The following PCCB variants were observed in gnomAD, a reference collection of about 807,000 sequenced individuals.
The protein encoded by PCCB is propionyl-CoA carboxylase subunit beta, also known as propionyl-CoA carboxylase beta chain, mitochondrial.
PCCB carries 43 observed loss-of-function variants against 60.7 expected under a neutral mutation model. The ratio of observed to expected loss-of-function variants is 0.71; its 90% CI spans 0.55 to 0.91. PCCB has a LOEUF of 0.91. Among genes scored for constraint, PCCB ranks in the 40% least tolerant of loss-of-function variants. The probability of loss-of-function intolerance (pLI) is 0.00; values close to 1 mark genes in which losing one functional copy is unlikely to be tolerated. For synonymous variants in PCCB, 276 were observed against 255.9 expected (o/e 1.08, Z -0.75); for missense variants, 766 against 702.8 (o/e 1.09, Z -1.02).
chr3:136,293,833 C>G lies in PCCB; in HGVS notation c.732C>G (p.Leu244=). The G allele has an allele frequency of 6.2e-7, 1 of 1,611,288 alleles. No individual in the cohort carries two copies. Among genetic ancestry groups the G allele is most frequent in the Non-Finnish European group, 8.5e-7 (1 of 1,177,526 alleles). The change falls in exon 7 of 15, where the codon CTC becomes CTG. Residue 244 remains leucine (L), a synonymous_variant. Transcript: ENST00000251654. ...ATGAGGATGTTACCCAGGAGGAGCT[C>G]GGTGGTGCCAAGACCCACACCACCA... ...VTNEDVTQEE[L]GGAKTHTTMS...
chr3:136,328,793 T>C lies in PCCB; in HGVS notation c.1434T>C (p.Asn478=). 5 of 1,614,154 alleles carry C rather than the reference T, an allele frequency of 3.1e-6. No individual in the cohort carries two copies. The highest frequency in any genetic ancestry group is 4.2e-6 in the Non-Finnish European group (5 of 1,179,980). ...AGATCATCTTCAAAGGGCATGAGAA[T>C]GTGGAAGCTGCTCAGGCAGAGTACA... ...AVEIIFKGHE[N]VEAAQAEYIE... The change falls in exon 14 of 15, where the codon AAT becomes AAC. Residue 478 remains asparagine, a synonymous_variant. Transcript: ENST00000251654.
intron 6 of PCCB, among the ~76,000 whole-genome samples, chr3:136,287,023 T>A (rs1275732825): frequency 6.7e-6 from 1 of 148,742 alleles, no homozygotes; most frequent in Non-Finnish European, 1.5e-5. Context: ...AGAGCAAGAC[T>A]CTGTCTCGGA....
At chr3:136,258,980 C>T (rs931276814) in intron 3 of PCCB, among the ~76,000 whole-genome samples, 1 of 151,926 alleles carries the variant, frequency 6.6e-6, no homozygotes, top group Non-Finnish European at 1.5e-5. Flanking sequence ...TTGTTTAATC[C>T]TTCCTATGCT....
At chr3:136,321,602 G>A (rs890974280) in intron 10 of PCCB, among the ~76,000 whole-genome samples, 12 of 152,248 alleles carry the variant, frequency 7.9e-5, no homozygotes, top group East Asian at 5.8e-4. Context: ...CGAGAACAGC[G>A]TGAGGAAAAC....
chr3:136,259,555 T>C (rs1195553843), intron 3 of PCCB, among the ~76,000 whole-genome samples: 3 of 152,242 alleles, frequency 2.0e-5, no homozygotes, highest in South Asian at 2.1e-4. Flanking sequence ...TTAGAGTTAA[T>C]TCTGTGTGAT....
intron 5 of PCCB, among the ~76,000 whole-genome samples, chr3:136,270,652 C>T (rs1356321257): frequency 6.6e-6 from 1 of 152,128 alleles, no homozygotes; most frequent in Non-Finnish European, 1.5e-5. Flanking sequence ...ACTACAGGCA[C>T]ACGCCACTAC....
rs1417271195 is a variant in PCCB, at chr3:136,323,180, ATC to A, written c.1091-3620_1091-3619del. On this transcript the variant is annotated intron_variant, in intron 10 of 14. Coordinates refer to ENST00000251654, the MANE Select transcript of PCCB (RefSeq NM_000532.5). The stretch of plus-strand genomic sequence containing the variant: ...TTTTCGGACATTATTTCATCAGATT[ATC>A]TCCTTGCCACTTTCTCTTAGTCTTC... Among the ~76,000 whole-genome samples the A allele has an allele frequency of 2.0e-5, 3 of 152,216 alleles. No homozygotes were observed. In the East Asian group the frequency reaches 5.8e-4, roughly 29 times the overall value.
At chr3:136,284,973 A>G (rs1304125945) in intron 6 of PCCB, among the ~76,000 whole-genome samples, 2 of 151,786 alleles carry the variant, frequency 1.3e-5, no homozygotes, top group Non-Finnish European at 2.9e-5. Flanking sequence ...CTGTGGTCCC[A>G]GCTACTTGGG....
rs1018762066 is a variant in PCCB at position 136,303,027 on chromosome 3, T to G, written c.966+1916T>G. On this transcript the variant is annotated intron_variant, in intron 9 of 14. Coordinates refer to ENST00000251654, the MANE Select transcript of PCCB (RefSeq NM_000532.5). ...TGAACCCAGGTGTTTGAGGCTGTTC[T>G]GAGTTATGATCATTGCCACTGCACT... 2.4e-5 allele frequency among the ~76,000 whole-genome samples: 3 copies of G among 122,746 alleles called. 1 individual carries two copies. Among genetic ancestry groups the G allele is most frequent in the South Asian group, 3.2e-4 (1 of 3,170 alleles). The allele number at this position is 122,746 out of a possible 152,430, so 80.5% of individuals were successfully genotyped here. A position where few individuals can be genotyped will look rare whatever the true frequency, so the allele number is the denominator to read the frequency against.
intron 5 of PCCB, among the ~76,000 whole-genome samples, chr3:136,280,133 G>A (rs1188847928): frequency 6.6e-6 from 1 of 152,044 alleles, no homozygotes; most frequent in Non-Finnish European, 1.5e-5. Context: ...ATTTATTAGT[G>A]TTCTTTATTT....
At chr3:136,299,973 TAC>T (rs775333385) in intron 8 of PCCB, among the ~76,000 whole-genome samples, 119 of 152,036 alleles carry the variant, frequency 7.8e-4, no homozygotes, top group Non-Finnish European at 1.3e-3. Context: ...TATGCATGTA[TAC>T]ACACATGCAT....
At chr3:136,268,646 T>C (rs557699152) in intron 5 of PCCB, among the ~76,000 whole-genome samples, 1 of 152,082 alleles carries the variant, frequency 6.6e-6, no homozygotes, top group South Asian at 2.1e-4. Context: ...GTATTTTTAG[T>C]GGAGATAGGG....
chr3:136,327,227 T>A lies in PCCB; in HGVS notation c.1271T>A (p.Val424Glu). Residue 424 changes from valine (V) to glutamate (E), a missense_variant, in exon 12 of 15, where the codon GTA becomes GAA. Coordinates refer to ENST00000251654, the MANE Select transcript of PCCB (RefSeq NM_000532.5). ...KLLYAFAEAT[V>E]PKVTVITRKA... Reference sequence around the variant, plus strand: ...CTCTACGCATTTGCTGAGGCAACTGTACCCAAAGTCACAGTCATCACCAGG... The same window carrying A: ...CTCTACGCATTTGCTGAGGCAACTGAACCCAAAGTCACAGTCATCACCAGG... The A allele has an allele frequency of 1.2e-6, 2 of 1,614,130 alleles. No individual in the cohort carries two copies. The highest frequency in any genetic ancestry group is 1.7e-6 in the Non-Finnish European group (2 of 1,179,970).
intron 5 of PCCB, among the ~76,000 whole-genome samples, chr3:136,277,436 G>A (rs1264702304): frequency 6.6e-6 from 1 of 152,112 alleles, no homozygotes; most frequent in African/African-American, 2.4e-5. Context: ...TTGCCCAGGA[G>A]GTATTCTGGT....
intron 7 of PCCB, 29 bp downstream of exon 7, chr3:136,293,893 T>C: frequency 7.7e-7 from 1 of 1,294,526 alleles, no homozygotes; most frequent in Admixed American, 1.7e-5. Context: ...GACCTTGTTG[T>C]TTTCAAACAT....
intron 9 of PCCB, among the ~76,000 whole-genome samples, chr3:136,308,837 G>T (rs1934546685): frequency 6.6e-6 from 1 of 152,070 alleles, no homozygotes; most frequent in African/African-American, 2.4e-5. Flanking sequence ...TGGATGAAAG[G>T]GGAAAATAGA....
chr3:136,259,607 T>G (rs1323231763), intron 3 of PCCB, among the ~76,000 whole-genome samples: 1 of 152,234 alleles, frequency 6.6e-6, no homozygotes, highest in Non-Finnish European at 1.5e-5. Flanking sequence ...TTTTTTTCCT[T>G]TCAAATCATT....
chr3:136,280,180 T>G (rs1171089692), intron 5 of PCCB, among the ~76,000 whole-genome samples: 1 of 152,230 alleles, frequency 6.6e-6, no homozygotes, highest in African/African-American at 2.4e-5. Flanking sequence ...AATATCCTTT[T>G]GTTTCAGACT....
At chr3:136,255,573 A>G (rs1187803278) in intron 1 of PCCB, 1 of 456,336 alleles carries the variant, frequency 2.2e-6, no homozygotes, top group Non-Finnish European at 4.0e-6. Flanking sequence ...TTCCAGGGTC[A>G]GGTTCTCCTT....
Sources: gnomAD v4.1 joint callset for allele counts (sites outside exome capture counted in the v4.1 genomes callset) on GRCh38, gnomAD v4.1.1 for gene constraint, MANE v1.5 for transcripts, NCBI Gene and HGNC (gene_info 2026-07-23, HGNC 2026-07-21) for gene names.